SBF2: variants seen among roughly 807,000 people sequenced by gnomAD.
SBF2 encodes the protein SET binding factor 2, also known as myotubularin-related protein 13.
Under a neutral mutation model 225.2 loss-of-function variants are expected in SBF2, and 112 were observed. The observed-to-expected ratio is 0.50, with a 90% CI of 0.43 to 0.58. The LOEUF is 0.58. Among genes scored for constraint, SBF2 ranks in the 20% least tolerant of loss-of-function variants. The pLI is 0.00. For missense variants in SBF2, 1,996 were observed against 2,206.2 expected (o/e 0.90, Z 1.91); for synonymous variants, 763 against 773.3 (o/e 0.99, Z 0.22).
chr11:10,156,093 C>G (rs73412902), intron 2 of SBF2, among the ~76,000 whole-genome samples: 9 of 152,218 alleles, frequency 5.9e-5, no homozygotes, highest in Admixed American at 2.0e-4. Flanking sequence ...GGAAGCCCCC[C>G]CTATCCCCAC....
chr11:9,979,500 T>C (rs933930461), intron 13 of SBF2, among the ~76,000 whole-genome samples: 2 of 152,232 alleles, frequency 1.3e-5, no homozygotes, highest in African/African-American at 4.8e-5. Flanking sequence ...GTTTTCCTTC[T>C]AACAGAATTC....
At chr11:10,272,487 C>T (rs1962575266) in intron 1 of SBF2, among the ~76,000 whole-genome samples, 2 of 152,144 alleles carry the variant, frequency 1.3e-5, no homozygotes, top group African/African-American at 2.4e-5. Flanking sequence ...TAAAATTATT[C>T]ATTAAAAATA....
intron 2 of SBF2, among the ~76,000 whole-genome samples, chr11:10,138,603 G>A (rs1316684574): frequency 6.6e-6 from 1 of 151,060 alleles, no homozygotes; most frequent in Non-Finnish European, 1.5e-5. Flanking sequence ...ATGTAGTACT[G>A]TAAGTTTCCA....
intron 16 of SBF2, among the ~76,000 whole-genome samples, chr11:9,905,775 T>C (rs148518896): frequency 6.6e-6 from 1 of 152,218 alleles, no homozygotes; most frequent in African/African-American, 2.4e-5. Context: ...TAAAACTCAG[T>C]AGCAGCTCTC....
intron 2 of SBF2, among the ~76,000 whole-genome samples, chr11:10,077,201 C>G (rs760780242): frequency 2.6e-5 from 4 of 152,044 alleles, no homozygotes; most frequent in African/African-American, 9.7e-5. Context: ...TAGGAAGAAC[C>G]AATATCGTGA....
At chr11:10,258,893 A>C (rs1669335485) in intron 1 of SBF2, among the ~76,000 whole-genome samples, 1 of 152,210 alleles carries the variant, frequency 6.6e-6, no homozygotes, top group African/African-American at 2.4e-5. Flanking sequence ...ATCACAAAGG[A>C]GTAAGAAACT....
At chr11:9,943,403 C>T (rs1865394789) in intron 16 of SBF2, among the ~76,000 whole-genome samples, 1 of 152,000 alleles carries the variant, frequency 6.6e-6, no homozygotes, top group African/African-American at 2.4e-5. Context: ...AAATTACAAA[C>T]ATATTTGCCA....
intron 2 of SBF2, among the ~76,000 whole-genome samples, chr11:10,087,313 T>C (rs900139972): frequency 6.6e-6 from 1 of 152,226 alleles, no homozygotes; most frequent in Non-Finnish European, 1.5e-5. Context: ...GACTGAGCCG[T>C]TGCAGTAGAA....
At chr11:10,225,059 A>C (rs181973781) in intron 1 of SBF2, among the ~76,000 whole-genome samples, 1 of 152,252 alleles carries the variant, frequency 6.6e-6, no homozygotes, top group Admixed American at 6.5e-5. Flanking sequence ...GTATGAGGAG[A>C]CTAATTTAAC....
At chr11:10,257,377 T>C (rs115734590) in intron 1 of SBF2, among the ~76,000 whole-genome samples, 3,272 of 152,232 alleles carry the variant, frequency 0.021, 89 homozygotes, top group African/African-American at 0.065. Flanking sequence ...GCATAAGAAA[T>C]GTTACAGGCC....
At chr11:10,172,410 T>C (rs1956235590) in intron 2 of SBF2, among the ~76,000 whole-genome samples, 1 of 152,134 alleles carries the variant, frequency 6.6e-6, no homozygotes, top group African/African-American at 2.4e-5. Context: ...TGAAGCACAA[T>C]GGCGCATCTC....
At chr11:10,190,372 G>C (rs565247625) in intron 2 of SBF2, among the ~76,000 whole-genome samples, 8 of 152,250 alleles carry the variant, frequency 5.3e-5, no homozygotes, top group African/African-American at 1.4e-4. Context: ...TTTCGTGTAT[G>C]CCTAAAAAGC....
At chr11:9,790,753 A>G in intron 33 of SBF2, 70 bp from the exon 34 acceptor site, 1 of 1,177,732 alleles carries the variant, frequency 8.5e-7, no homozygotes, top group Non-Finnish European at 1.2e-6. Flanking sequence ...CGTATGATGC[A>G]TGCAGCAGAT....
chr11:9,813,313 C>T (rs1844254764), intron 29 of SBF2, among the ~76,000 whole-genome samples: 1 of 152,144 alleles, frequency 6.6e-6, no homozygotes. Flanking sequence ...TGCCCCAAGA[C>T]TACCAACATT....
intron 1 of SBF2, among the ~76,000 whole-genome samples, chr11:10,236,764 G>A (rs547491750): frequency 8.5e-5 from 13 of 152,198 alleles, no homozygotes; most frequent in East Asian, 5.8e-4. Context: ...GCCCAGACTC[G>A]AGTCTGTCTC....
At chr11:10,026,548 T>TGG (rs1046767460) in intron 6 of SBF2, among the ~76,000 whole-genome samples, 1 of 151,850 alleles carries the variant, frequency 6.6e-6, no homozygotes. Context: ...CTGGGCAACA[T>TGG]GGCGAGACCC....
chr11:10,287,551 T>G (rs1471324923), intron 1 of SBF2, among the ~76,000 whole-genome samples: 1 of 152,186 alleles, frequency 6.6e-6, no homozygotes, highest in Non-Finnish European at 1.5e-5. Context: ...ATTGCCATTA[T>G]AGATATGAGC....
At chr11:10,085,136 C>G (rs115083861) in intron 2 of SBF2, among the ~76,000 whole-genome samples, 1 of 152,260 alleles carries the variant, frequency 6.6e-6, no homozygotes, top group African/African-American at 2.4e-5. Flanking sequence ...ATGGGAAATT[C>G]CCAGATTAAG....
intron 13 of SBF2, among the ~76,000 whole-genome samples, chr11:9,972,616 G>A (rs868418985): frequency 1.3e-5 from 2 of 152,140 alleles, no homozygotes; most frequent in Non-Finnish European, 2.9e-5. Flanking sequence ...AAGTAGCTGG[G>A]ATTACAGGTG....
Sources: gnomAD v4.1 joint callset for allele counts (sites outside exome capture counted in the v4.1 genomes callset) on GRCh38, gnomAD v4.1.1 for gene constraint, MANE v1.5 for transcripts, NCBI Gene and HGNC (gene_info 2026-07-23, HGNC 2026-07-21) for gene names.